The following PTCHD4 variants were observed in gnomAD, a reference collection of about 807,000 sequenced individuals.
PTCHD4 encodes patched domain containing 4, also known as patched domain-containing protein 4.
In PTCHD4, 33 loss-of-function variants were observed where a neutral mutation model predicts 58.1. The ratio of observed to expected loss-of-function variants is 0.57; its 90% CI spans 0.43 to 0.76. The LOEUF (loss-of-function observed/expected upper bound fraction) is 0.76, where lower values mean the gene tolerates loss of function less well. Ranked by LOEUF, PTCHD4 falls within the 30% of genes least tolerant of loss-of-function variation. The pLI, the probability that PTCHD4 is intolerant of heterozygous loss-of-function variation, is 0.00. For synonymous variants in PTCHD4, 478 were observed against 409.6 expected (o/e 1.17, Z -2.02); for missense variants, 1,058 against 1,027.1 (o/e 1.03, Z -0.41).
At chr6:48,079,187 G>C (rs1765117654) in intron 1 of PTCHD4, among the ~76,000 whole-genome samples, 1 of 151,630 alleles carries the variant, frequency 6.6e-6, no homozygotes, top group Admixed American at 6.6e-5. Flanking sequence ...TTGGGTTGTT[G>C]GTTACCAAAC....
intron 4 of PTCHD4, among the ~76,000 whole-genome samples, chr6:47,978,621 A>G (rs1190325428): frequency 6.6e-6 from 1 of 152,150 alleles, no homozygotes; most frequent in Non-Finnish European, 1.5e-5. Flanking sequence ...TGTTCCAGGT[A>G]TTACATTAAG....
At chr6:48,062,776 A>C (rs555164649) in intron 3 of PTCHD4, among the ~76,000 whole-genome samples, 7 of 152,222 alleles carry the variant, frequency 4.6e-5, no homozygotes, top group Non-Finnish European at 8.8e-5. Flanking sequence ...ACTCCAGAAG[A>C]AAAACATACT....
At chr6:48,110,083 T>G (rs1306911261) in intron 1 of PTCHD4, among the ~76,000 whole-genome samples, 1 of 152,178 alleles carries the variant, frequency 6.6e-6, no homozygotes, top group Non-Finnish European at 1.5e-5. Context: ...AACTACCATA[T>G]GATACAGCAA....
At chr6:47,971,308 T>A (rs2113988367) in intron 4 of PTCHD4, among the ~76,000 whole-genome samples, 1 of 151,594 alleles carries the variant, frequency 6.6e-6, no homozygotes, top group African/African-American at 2.4e-5. Flanking sequence ...AAAGAGCTCT[T>A]TGGAAATTGA....
chr6:47,857,331 C>T lies in PTCHD4; in HGVS notation c.*20972G>A, dbSNP rs144550846. On this transcript the variant is annotated 3_prime_UTR_variant, in exon 5 of 5. Coordinates refer to ENST00000339488, the MANE Select transcript of PTCHD4 (RefSeq NM_001384253.1). ...GCACATTGACGACACAAAGTTTCTGCGAATACGTAGTTTCATGTAGGGCAT... is the reference window on the plus strand; with the variant it reads ...GCACATTGACGACACAAAGTTTCTGTGAATACGTAGTTTCATGTAGGGCAT... Among the ~76,000 whole-genome samples the T allele has an allele frequency of 5.9e-5, 9 of 152,088 alleles. No homozygotes were observed. Among genetic ancestry groups the T allele is most frequent in the East Asian group, 3.9e-4 (2 of 5,146 alleles).
intron 3 of PTCHD4, among the ~76,000 whole-genome samples, chr6:48,015,405 C>A (rs1228295719): frequency 6.6e-6 from 1 of 152,010 alleles, no homozygotes; most frequent in Non-Finnish European, 1.5e-5. Flanking sequence ...TTCAAAGGCC[C>A]TGCTTAGCCC....
chr6:47,890,097 T>C (rs1764329637), intron 4 of PTCHD4, among the ~76,000 whole-genome samples: 1 of 151,942 alleles, frequency 6.6e-6, no homozygotes, highest in African/African-American at 2.4e-5. Flanking sequence ...CCATATCACA[T>C]ACGTATACAC....
chr6:48,070,177 T>A (rs1193059737), intron 1 of PTCHD4, among the ~76,000 whole-genome samples: 1 of 151,840 alleles, frequency 6.6e-6, no homozygotes, highest in African/African-American at 2.4e-5. Context: ...ATGAATTTTT[T>A]AGGGCAAACT....
intron 4 of PTCHD4, among the ~76,000 whole-genome samples, chr6:47,935,320 T>G (rs2113913570): frequency 6.6e-6 from 1 of 152,322 alleles, no homozygotes; most frequent in South Asian, 2.1e-4. Flanking sequence ...AGGTGTGTTC[T>G]TATGGTAGTC....
chr6:48,044,731 A>C (rs1763973619), intron 3 of PTCHD4, among the ~76,000 whole-genome samples: 1 of 151,842 alleles, frequency 6.6e-6, no homozygotes, highest in Non-Finnish European at 1.5e-5. Context: ...CCACTTTTTT[A>C]TCATGCTAAG....
chr6:48,038,246 G>A (rs570244673), intron 3 of PTCHD4, among the ~76,000 whole-genome samples: 169 of 152,204 alleles, frequency 1.1e-3, no homozygotes, highest in African/African-American at 4.0e-3. Flanking sequence ...AGAAAGTGAG[G>A]AGACTGAGCT....
intron 1 of PTCHD4, among the ~76,000 whole-genome samples, chr6:48,107,533 G>A (rs1409215003): frequency 1.3e-5 from 2 of 152,020 alleles, no homozygotes; most frequent in African/African-American, 4.8e-5. Context: ...TCAGGACATA[G>A]GCATGGGCAA....
intron 4 of PTCHD4, among the ~76,000 whole-genome samples, chr6:47,942,252 A>G (rs999890060): frequency 2.0e-5 from 3 of 152,226 alleles, no homozygotes; most frequent in African/African-American, 7.2e-5. Flanking sequence ...AATACATCCT[A>G]GACAATGACA....
chr6:48,058,518 CT>C (rs1428096064), intron 3 of PTCHD4, among the ~76,000 whole-genome samples: 2 of 151,954 alleles, frequency 1.3e-5, no homozygotes, highest in African/African-American at 4.8e-5. Flanking sequence ...ATAGCAGATG[CT>C]TGGCTTGAAT....
At chr6:48,036,951 T>C (rs1259595552) in intron 3 of PTCHD4, among the ~76,000 whole-genome samples, 1 of 152,126 alleles carries the variant, frequency 6.6e-6, no homozygotes, top group Non-Finnish European at 1.5e-5. Context: ...AGAAAATGCA[T>C]TCTATTGATG....
At chr6:47,934,427 A>C (rs1765931114) in intron 4 of PTCHD4, among the ~76,000 whole-genome samples, 1 of 152,096 alleles carries the variant, frequency 6.6e-6, no homozygotes, top group South Asian at 2.1e-4. Context: ...TATGTATGGA[A>C]ATTTTCTAGA....
At position 47,866,554 on chromosome 6, in the gene PTCHD4, T is replaced by C. The variant is rs986522889; in HGVS notation, c.*11749A>G. Among the ~76,000 whole-genome samples, 1 of 151,848 alleles carries C rather than the reference T, an allele frequency of 6.6e-6. No individual in the cohort carries two copies. The highest frequency in any genetic ancestry group is 6.6e-5 in the Admixed American group (1 of 15,204). On this transcript the variant is annotated 3_prime_UTR_variant, in exon 5 of 5. Coordinates refer to ENST00000339488, the MANE Select transcript of PTCHD4 (RefSeq NM_001384253.1). ...ATTCTACTTCTGTGAACAGATGTCC[T>C]CCTCGTGAACCAGTTGGAAAATGGG...
At chr6:47,986,006 T>C (rs532784479) in intron 4 of PTCHD4, among the ~76,000 whole-genome samples, 3 of 152,156 alleles carry the variant, frequency 2.0e-5, no homozygotes, top group East Asian at 3.9e-4. Context: ...ATTAATACAA[T>C]ATCATTACGT....
At chr6:48,040,700 C>G (rs1763814029) in intron 3 of PTCHD4, among the ~76,000 whole-genome samples, 1 of 151,978 alleles carries the variant, frequency 6.6e-6, no homozygotes, top group Non-Finnish European at 1.5e-5. Flanking sequence ...GTTTTAATGC[C>G]TCAACAATTC....
Sources: gnomAD v4.1 joint callset for allele counts (sites outside exome capture counted in the v4.1 genomes callset) on GRCh38, gnomAD v4.1.1 for gene constraint, MANE v1.5 for transcripts, NCBI Gene and HGNC (gene_info 2026-07-23, HGNC 2026-07-21) for gene names.